SLC44A5: variants seen among roughly 807,000 people sequenced by gnomAD.
The protein encoded by SLC44A5 is choline transporter-like protein 5.
In SLC44A5, 57 loss-of-function variants were observed where a neutral mutation model predicts 101.8. The observed-to-expected ratio is 0.56, with a 90% CI of 0.45 to 0.70. The LOEUF is 0.70. Ranked by LOEUF, SLC44A5 falls within the 30% of genes least tolerant of loss-of-function variation. SLC44A5 has a pLI of 0.00. For missense variants in SLC44A5, 737 were observed against 853.1 expected (o/e 0.86, Z 1.70); for synonymous variants, 281 against 290.9 (o/e 0.97, Z 0.35).
At chr1:75,515,611 A>G (rs1431931596) in intron 2 of SLC44A5, among the ~76,000 whole-genome samples, 1 of 152,202 alleles carries the variant, frequency 6.6e-6, no homozygotes, top group Admixed American at 6.5e-5. Context: ...CAGAATTTCT[A>G]TCTTCTTTAA....
At chr1:75,582,446 C>T (rs1673750143) in intron 1 of SLC44A5, 1 of 646,888 alleles carries the variant, frequency 1.5e-6, no homozygotes, top group East Asian at 2.6e-5. Context: ...AGGGCTCAGG[C>T]TGTGTGGGCC....
chr1:75,580,512 G>C lies in SLC44A5; in HGVS notation c.-70+30528C>G, dbSNP rs77472907. Among the ~76,000 whole-genome samples, 948 of 152,236 alleles carry C rather than the reference G, an allele frequency of 6.2e-3. 7 individuals are homozygous for C. The highest frequency in any genetic ancestry group is 0.011 in the Non-Finnish European group (717 of 67,998). ...GAAAGGGCCATAACACTCCAAAGTTGGTTCTTCTGAAGAATTCATAGGAAC... is the reference window on the plus strand; with the variant it reads ...GAAAGGGCCATAACACTCCAAAGTTCGTTCTTCTGAAGAATTCATAGGAAC... On this transcript the variant is annotated intron_variant, in intron 1 of 23. Coordinates refer to ENST00000370859, the MANE Select transcript of SLC44A5 (RefSeq NM_001130058.2).
intron 1 of SLC44A5, among the ~76,000 whole-genome samples, chr1:75,551,614 G>A (rs1017607114): frequency 6.6e-6 from 1 of 151,952 alleles, no homozygotes; most frequent in Non-Finnish European, 1.5e-5. Context: ...CAATTTGCCT[G>A]GGTCTGTTAA....
At chr1:75,213,583 C>T (rs746241910) in intron 22 of SLC44A5, 122 bp downstream of exon 22, 2 of 727,406 alleles carry the variant, frequency 2.7e-6, no homozygotes, top group Non-Finnish European at 4.7e-6. Context: ...AGTTGGCTGA[C>T]ACCTTGATCT....
At chr1:75,576,725 T>G (rs1673390840) in intron 1 of SLC44A5, among the ~76,000 whole-genome samples, 1 of 152,196 alleles carries the variant, frequency 6.6e-6, no homozygotes, top group Admixed American at 6.5e-5. Context: ...TCAACACAAC[T>G]ATACTCATTT....
chr1:75,233,832 C>A (rs756823396), intron 12 of SLC44A5, among the ~76,000 whole-genome samples, 154 bp downstream of exon 12: 4 of 151,982 alleles, frequency 2.6e-5, no homozygotes, highest in Admixed American at 6.6e-5. Flanking sequence ...ACAATATATG[C>A]AAAATGAAAT....
chr1:75,659,625 AC>A, the SLC44A5 span, among the ~76,000 whole-genome samples: 126 of 36,262 alleles, frequency 3.5e-3, 2 homozygotes, highest in African/African-American at 0.017. Flanking sequence ...CCCCATCTCT[AC>A]CAAAAAAAAA....
At chr1:75,479,532 G>A (rs1312559162) in intron 2 of SLC44A5, among the ~76,000 whole-genome samples, 2 of 151,844 alleles carry the variant, frequency 1.3e-5, no homozygotes, top group African/African-American at 4.8e-5. Flanking sequence ...AAAGAGAGAA[G>A]AATCAAATAG....
intron 2 of SLC44A5, among the ~76,000 whole-genome samples, chr1:75,518,427 C>T (rs914739666): frequency 1.3e-5 from 2 of 152,108 alleles, no homozygotes; most frequent in African/African-American, 2.4e-5. Flanking sequence ...TTGTAGCACT[C>T]GCTGTGATGG....
At chr1:75,641,076 C>T in the SLC44A5 span, among the ~76,000 whole-genome samples, 16 of 152,030 alleles carry the variant, frequency 1.1e-4, no homozygotes, top group Non-Finnish European at 2.1e-4. Context: ...TAATAAAATA[C>T]AAAGAAAGGC....
At chr1:75,664,929 GA>G in the SLC44A5 span, among the ~76,000 whole-genome samples, 20,652 of 130,248 alleles carry the variant, frequency 0.16, 3,339 homozygotes, top group African/African-American at 0.42. Flanking sequence ...TCAAAAAAAA[GA>G]AAAAAAAAAA....
chr1:75,707,829 A>C, the SLC44A5 span, among the ~76,000 whole-genome samples: 12 of 152,206 alleles, frequency 7.9e-5, no homozygotes, highest in Admixed American at 7.9e-4. Context: ...AAATTGATTA[A>C]TACAGTAAAA....
intron 2 of SLC44A5, among the ~76,000 whole-genome samples, chr1:75,405,246 C>T (rs1401111526): frequency 2.0e-5 from 3 of 152,260 alleles, no homozygotes; most frequent in Admixed American, 1.3e-4. Context: ...GACCCCCACA[C>T]AATAATCTTG....
At chr1:75,685,847 C>G in the SLC44A5 span, among the ~76,000 whole-genome samples, 2 of 152,150 alleles carry the variant, frequency 1.3e-5, no homozygotes, top group African/African-American at 4.8e-5. Flanking sequence ...CATTCTCACA[C>G]AGCTAATAAA....
chr1:75,659,443 G>GGGAGGGAAGGAAGGAAGGAAGGAAGGAA, the SLC44A5 span, among the ~76,000 whole-genome samples: 5 of 61,108 alleles, frequency 8.2e-5, no homozygotes, highest in Non-Finnish European at 1.2e-4. Context: ...GAGGGAGGGA[G>GGGAGGGAAGGAAGGAAGGAAGGAAGGAA]GGAAGGAAGG....
chr1:75,714,686 CT>C, the SLC44A5 span, among the ~76,000 whole-genome samples: 7 of 151,928 alleles, frequency 4.6e-5, no homozygotes, highest in Non-Finnish European at 8.8e-5. Context: ...GTAGTATTTT[CT>C]TTTTTTTGAG....
intron 2 of SLC44A5, among the ~76,000 whole-genome samples, chr1:75,416,667 G>C (rs1280676728): frequency 1.3e-5 from 2 of 152,208 alleles, no homozygotes; most frequent in African/African-American, 4.8e-5. Context: ...CGGGAAGAAG[G>C]CTGTACCCTG....
chr1:75,702,017 C>G, the SLC44A5 span, among the ~76,000 whole-genome samples: 4 of 152,004 alleles, frequency 2.6e-5, no homozygotes, highest in Non-Finnish European at 5.9e-5. Flanking sequence ...AGGATACAAA[C>G]AAATGGAAGA....
intron 12 of SLC44A5, among the ~76,000 whole-genome samples, chr1:75,230,188 A>G (rs994133275): frequency 3.3e-5 from 5 of 151,550 alleles, no homozygotes; most frequent in African/African-American, 7.3e-5. Context: ...GTTTTTGTTG[A>G]TTTTTATTTT....
Sources: allele counts gnomAD v4.1 joint callset (sites outside exome capture counted in the v4.1 genomes callset), GRCh38; gene constraint gnomAD v4.1.1; transcripts MANE v1.5; gene names NCBI Gene and HGNC (gene_info 2026-07-23, HGNC 2026-07-21).